Variants in PECAM1 observed in about 807,000 individuals in gnomAD.
PECAM1 encodes platelet and endothelial cell adhesion molecule 1, also known as platelet endothelial cell adhesion molecule.
PECAM1 carries 8 observed loss-of-function variants against 13.8 expected under a neutral mutation model. The ratio of observed to expected loss-of-function variants is 0.58; its 90% CI spans 0.34 to 1.05. PECAM1 has a LOEUF of 1.05. Among genes scored for constraint, PECAM1 ranks in the 50% least tolerant of loss-of-function variants. PECAM1 has a pLI of 0.03. For missense variants in PECAM1, 304 were observed against 141.2 expected (o/e 2.15, Z -5.84); for synonymous variants, 136 against 52.6 (o/e 2.58, Z -6.86).
intron 11 of PECAM1, among the ~76,000 whole-genome samples, chr17:64,351,074 C>T (rs2035711646): frequency 6.6e-6 from 1 of 152,060 alleles, no homozygotes; most frequent in Non-Finnish European, 1.5e-5. Context: ...AACAGGGTTA[C>T]ACCATGTTGG....
intron 4 of PECAM1, among the ~76,000 whole-genome samples, chr17:64,373,318 C>T (rs935814862): frequency 9.2e-5 from 14 of 152,016 alleles, no homozygotes; most frequent in African/African-American, 3.4e-4. Flanking sequence ...AAATATCCAT[C>T]AGCAGAAGAT....
Position 64,322,038 on chromosome 17 carries a change from G to A in PECAM1, c.*1778C>T, listed in dbSNP as rs1199692648. The A allele has an allele frequency of 4.3e-6, 5 of 1,175,498 alleles. No homozygotes were observed. The East Asian group carries it at 3.1e-4, about 73-fold the overall frequency. 72.8% of individuals were successfully genotyped at this position (1,175,498 alleles called of 1,614,324 possible). On this transcript the variant is annotated 3_prime_UTR_variant, in exon 16 of 16. Coordinates refer to ENST00000563924, the MANE Select transcript of PECAM1 (RefSeq NM_000442.5). ...TTTCGTGATACAACTCGGTGTGTGT[G>A]TGTTGGGGAAAGGAACCAACAGCTT... is the stretch of plus-strand genomic sequence containing the variant.
At chr17:64,378,906 T>C (rs1411462496) in intron 2 of PECAM1, 1 of 152,316 alleles carries the variant, frequency 6.6e-6, no homozygotes, top group Non-Finnish European at 1.5e-5. Context: ...GCTTAATAAA[T>C]GACTGCTACC....
chr17:64,375,055 C>G lies in PECAM1; in HGVS notation c.687G>C (p.Val229=), dbSNP rs1006663946. The G allele has an allele frequency of 6.3e-6, 3 of 475,168 alleles. No individual in the cohort carries two copies. Among genetic ancestry groups the G allele is most frequent in the African/African-American group, 5.9e-5 (3 of 50,502 alleles). The allele number at this position is 475,168 out of a possible 1,614,324, so 29.4% of individuals were successfully genotyped here. A position where few individuals can be genotyped will look rare whatever the true frequency, so the allele number is the denominator to read the frequency against. The stretch of plus-strand genomic sequence containing the variant: ...GGAAGGGAGCAGGATGCTGACCCGT[C>G]ACGGTGACCAGTTCACTCTTGGTAG... The part of the protein sequence containing the change: ...SESTKSELVT[V]TESFSTPKFH... The change falls in exon 4 of 16, where the codon GTG becomes GTC. Residue 229 remains valine, a synonymous_variant. Transcript: ENST00000563924.
intron 5 of PECAM1, among the ~76,000 whole-genome samples, chr17:64,369,549 T>G (rs2036191421): frequency 2.6e-5 from 4 of 152,158 alleles, no homozygotes. Flanking sequence ...TGCCGGAGCC[T>G]GTACCCTCAA....
At chr17:64,346,613 A>C (rs2035576428) in intron 13 of PECAM1, among the ~76,000 whole-genome samples, 1 of 152,110 alleles carries the variant, frequency 6.6e-6, no homozygotes, top group South Asian at 2.1e-4. Flanking sequence ...TAGGTTTACA[A>C]GTGTGAGCCA....
chr17:64,347,608 A>C (rs2035606195), intron 13 of PECAM1, among the ~76,000 whole-genome samples: 1 of 143,164 alleles, frequency 7.0e-6, no homozygotes, highest in African/African-American at 2.6e-5. Flanking sequence ...ATTATATATA[A>C]AATATATAAA....
chr17:64,373,148 A>T (rs199493362), intron 4 of PECAM1, among the ~76,000 whole-genome samples: 45,533 of 138,954 alleles, frequency 0.33, 8,092 homozygotes, highest in East Asian at 0.42. Flanking sequence ...AATAAATAAA[A>T]AAAAAAGAAA....
intron 10 of PECAM1, 34 bp downstream of exon 10, chr17:64,353,457 A>G (rs1163562391): frequency 2.2e-5 from 10 of 464,096 alleles, no homozygotes; most frequent in African/African-American, 1.8e-4. Flanking sequence ...CCGTGCTCAC[A>G]GAGCAGCCGC....
chr17:64,323,154 T>C lies in PECAM1; in HGVS notation c.*662A>G, dbSNP rs2034848560. 4.1e-6 allele frequency: 4 copies of C among 986,014 alleles called. No individual in the cohort carries two copies. The highest frequency in any genetic ancestry group is 1.7e-5 in the African/African-American group (1 of 57,230). 61.1% of individuals were successfully genotyped at this position (986,014 alleles called of 1,614,324 possible). ...AGAGAAAGAGTGTAGACAAAAACAG[T>C]TGAAGAACATCTGTGCTTGTTCCAC... On this transcript the variant is annotated 3_prime_UTR_variant, in exon 16 of 16. Coordinates refer to ENST00000563924, the MANE Select transcript of PECAM1 (RefSeq NM_000442.5).
rs1461681615 is a variant in PECAM1 at position 64,322,362 on chromosome 17, G to A, written c.*1454C>T. ...GGTTGCGCCGCTGCAGTCCAGCCCG[G>A]GCAACAAGAGCGAATCTCCGTCTCA... On this transcript the variant is annotated 3_prime_UTR_variant, in exon 16 of 16. Coordinates refer to ENST00000563924, the MANE Select transcript of PECAM1 (RefSeq NM_000442.5). 8 of 953,240 alleles carry A rather than the reference G, an allele frequency of 8.4e-6. No homozygotes were observed. The South Asian group carries it at 2.9e-4, about 34-fold the overall frequency. 59.0% of individuals were successfully genotyped at this position (953,240 alleles called of 1,614,324 possible).
chr17:64,390,443 G>T, intron 2 of PECAM1, 46 bp downstream of exon 2: 1 of 466,068 alleles, frequency 2.1e-6, no homozygotes, highest in East Asian at 3.1e-5. Context: ...AGAGAAAGGA[G>T]GAAGCCAGGT....
chr17:64,322,020 A>G lies in PECAM1; in HGVS notation c.*1796T>C. Reference sequence around the variant, plus strand: ...CTGGAAATTGTATGACATTTTCGTGATACAACTCGGTGTGTGTGTGTTGGG... The same window carrying G: ...CTGGAAATTGTATGACATTTTCGTGGTACAACTCGGTGTGTGTGTGTTGGG... On this transcript the variant is annotated 3_prime_UTR_variant, in exon 16 of 16. Transcript: ENST00000563924. The G allele has an allele frequency of 8.2e-7, 1 of 1,213,674 alleles. No individual in the cohort carries two copies. Among genetic ancestry groups the G allele is most frequent in the South Asian group, 1.4e-5 (1 of 70,690 alleles). The allele number at this position is 1,213,674 out of a possible 1,614,324, so 75.2% of individuals were successfully genotyped here.
intron 9 of PECAM1, among the ~76,000 whole-genome samples, chr17:64,354,581 C>A (rs12936832): frequency 0.41 from 62,848 of 152,058 alleles, 14,366 homozygotes; most frequent in South Asian, 0.58. Context: ...TTAGCTAACC[C>A]CAAGCATAGG....
chr17:64,329,684 T>TA lies in PECAM1; in HGVS notation c.2187+15_2187+16insT, dbSNP rs781927309. 1.4e-4 allele frequency: 108 copies of TA among 759,932 alleles called. No individual in the cohort carries two copies. The highest frequency in any genetic ancestry group is 2.2e-4 in the Middle Eastern group (1 of 4,448). The allele number at this position is 759,932 out of a possible 1,614,324, so 47.1% of individuals were successfully genotyped here. On this transcript the variant is annotated intron_variant, in intron 15 of 15. Transcript: ENST00000563924. Reference sequence around the variant, plus strand: ...GGAGTACTTTTAAATATAATGTATATGAAATGTGTACTTACAGAGTATCTG... The same window carrying TA: ...GGAGTACTTTTAAATATAATGTATATAGAAATGTGTACTTACAGAGTATCTG...
intron 6 of PECAM1, among the ~76,000 whole-genome samples, chr17:64,362,434 G>C (rs1459338053): frequency 1.1e-4 from 16 of 152,056 alleles, no homozygotes; most frequent in Non-Finnish European, 4.4e-5. Context: ...CAGATCACGA[G>C]GTCAGGAGAT....
chr17:64,370,533 G>C (rs1410384384), intron 4 of PECAM1: 1 of 152,170 alleles, frequency 6.6e-6, no homozygotes, highest in Admixed American at 6.5e-5. Flanking sequence ...TAAAATGCTG[G>C]CCATCACTCA....
chr17:64,340,823 C>T (rs936216020), intron 14 of PECAM1, among the ~76,000 whole-genome samples: 13 of 152,108 alleles, frequency 8.5e-5, no homozygotes, highest in African/African-American at 2.4e-4. Flanking sequence ...AGCTGCTGGG[C>T]GCGGTGGCTC....
At chr17:64,347,554 T>C (rs2035603911) in intron 13 of PECAM1, among the ~76,000 whole-genome samples, 1 of 136,894 alleles carries the variant, frequency 7.3e-6, no homozygotes, top group Non-Finnish European at 1.6e-5. Context: ...AATATATATA[T>C]ATATATAAAA....
Sources: allele counts gnomAD v4.1 joint callset (sites outside exome capture counted in the v4.1 genomes callset), GRCh38; gene constraint gnomAD v4.1.1; transcripts MANE v1.5; gene names NCBI Gene and HGNC (gene_info 2026-07-23, HGNC 2026-07-21).